Variants in TENM4 observed in about 807,000 individuals in gnomAD.
TENM4 encodes teneurin-4.
In TENM4, 82 loss-of-function variants were observed where a neutral mutation model predicts 243.3. That is an observed-to-expected ratio of 0.34 (90% CI 0.28 to 0.40). The LOEUF is 0.40. TENM4 is among the 10% of genes least tolerant of loss of function. The probability of loss-of-function intolerance (pLI) is 1.00; values close to 1 mark genes in which losing one functional copy is unlikely to be tolerated. For synonymous variants in TENM4, 1,412 were observed against 1,456.3 expected (o/e 0.97, Z 0.69); for missense variants, 3,138 against 3,673.3 (o/e 0.85, Z 3.77).
chr11:79,123,655 G>T (rs542577472), intron 4 of TENM4, among the ~76,000 whole-genome samples: 1 of 148,840 alleles, frequency 6.7e-6, no homozygotes, highest in Non-Finnish European at 1.5e-5. Flanking sequence ...GACAGAGACT[G>T]TGCTAGGCTT....
intron 2 of TENM4, among the ~76,000 whole-genome samples, chr11:79,219,267 T>A (rs1423165157): frequency 6.6e-6 from 1 of 152,030 alleles, no homozygotes; most frequent in Non-Finnish European, 1.5e-5. Flanking sequence ...CAGAGGGAAG[T>A]GGAGGACATC....
At chr11:78,716,341 T>C (rs73496542) in intron 25 of TENM4, among the ~76,000 whole-genome samples, 11,262 of 152,246 alleles carry the variant, frequency 0.074, 1,037 homozygotes, top group African/African-American at 0.22. Context: ...TCTTCCTTCA[T>C]TGTGTCTCCA....
chr11:79,133,278 G>T (rs1862046872), intron 4 of TENM4, among the ~76,000 whole-genome samples: 1 of 152,006 alleles, frequency 6.6e-6, no homozygotes, highest in African/African-American at 2.4e-5. Flanking sequence ...CTGGAAAAAT[G>T]CAACCCTCCC....
At chr11:79,072,705 C>T (rs1860446285) in intron 4 of TENM4, among the ~76,000 whole-genome samples, 1 of 152,132 alleles carries the variant, frequency 6.6e-6, no homozygotes, top group African/African-American at 2.4e-5. Flanking sequence ...TACTGGCTTT[C>T]AACGCAAAGC....
chr11:79,412,506 A>G (rs1195358395), intron 1 of TENM4, among the ~76,000 whole-genome samples: 1 of 152,220 alleles, frequency 6.6e-6, no homozygotes, highest in African/African-American at 2.4e-5. Context: ...TCCCAGCTCC[A>G]ACTTACTACC....
chr11:78,970,623 T>C (rs1478672965), intron 6 of TENM4, among the ~76,000 whole-genome samples: 1 of 152,196 alleles, frequency 6.6e-6, no homozygotes, highest in Non-Finnish European at 1.5e-5. Flanking sequence ...TCCAAGATCG[T>C]GGGCAAAGCA....
At chr11:79,431,016 A>G (rs1859156472) in intron 1 of TENM4, among the ~76,000 whole-genome samples, 1 of 152,234 alleles carries the variant, frequency 6.6e-6, no homozygotes, top group South Asian at 2.1e-4. Flanking sequence ...GAGCACAGGG[A>G]CGCACCGTTG....
rs530457984 is a variant in TENM4 at position 78,942,324 on chromosome 11, G to C, written c.494-38801C>G. Among the ~76,000 whole-genome samples the C allele has an allele frequency of 5.5e-5, 7 of 128,300 alleles. No homozygotes were observed. The South Asian group carries it at 1.8e-3, about 34-fold the overall frequency. The allele number at this position is 128,300 out of a possible 152,430, so 84.2% of individuals were successfully genotyped here. On this transcript the variant is annotated intron_variant, in intron 6 of 33. Coordinates refer to ENST00000278550, the MANE Select transcript of TENM4 (RefSeq NM_001098816.3). ...AAGCTGGGCATGGTGGCATGCGCCTGTAGTTCTAATAATTGGATGGCTGAG... is the reference window on the plus strand; with the variant it reads ...AAGCTGGGCATGGTGGCATGCGCCTCTAGTTCTAATAATTGGATGGCTGAG...
At chr11:78,920,075 C>T (rs1048550238) in intron 6 of TENM4, among the ~76,000 whole-genome samples, 3 of 152,152 alleles carry the variant, frequency 2.0e-5, no homozygotes, top group South Asian at 2.1e-4. Flanking sequence ...GCACTGAGTC[C>T]AGTGCTTGTC....
intron 6 of TENM4, among the ~76,000 whole-genome samples, chr11:78,937,175 G>T (rs987569795): frequency 1.3e-5 from 2 of 152,148 alleles, no homozygotes; most frequent in African/African-American, 2.4e-5. Flanking sequence ...GGTTCAGAAA[G>T]CTGGGGAAGG....
At chr11:79,066,382 C>T (rs898282954) in intron 5 of TENM4, among the ~76,000 whole-genome samples, 5 of 152,092 alleles carry the variant, frequency 3.3e-5, no homozygotes, top group Non-Finnish European at 7.4e-5. Flanking sequence ...AAAGAACTGC[C>T]GGAGGGGTAG....
intron 6 of TENM4, among the ~76,000 whole-genome samples, chr11:79,033,410 T>C (rs1591226432): frequency 6.6e-6 from 1 of 152,336 alleles, no homozygotes; most frequent in South Asian, 2.1e-4. Flanking sequence ...GGAAGGATAC[T>C]AATATTTCCT....
intron 1 of TENM4, among the ~76,000 whole-genome samples, chr11:79,399,537 A>G (rs1412708969): frequency 1.3e-5 from 2 of 152,162 alleles, no homozygotes; most frequent in East Asian, 3.9e-4. Context: ...CTTGGAGGCG[A>G]TCTTGTCCAA....
intron 6 of TENM4, among the ~76,000 whole-genome samples, chr11:78,974,478 G>A (rs1160945558): frequency 6.6e-6 from 1 of 152,168 alleles, no homozygotes; most frequent in Non-Finnish European, 1.5e-5. Context: ...CAGGCAGCAA[G>A]TAAGATCTGG....
intron 2 of TENM4, among the ~76,000 whole-genome samples, chr11:79,254,492 C>G (rs1855667728): frequency 6.6e-6 from 1 of 152,090 alleles, no homozygotes; most frequent in Non-Finnish European, 1.5e-5. Flanking sequence ...CTGTGGCCAC[C>G]CTTGGAGAGA....
chr11:78,721,113 C>T (rs763160371), intron 24 of TENM4, among the ~76,000 whole-genome samples: 40 of 152,122 alleles, frequency 2.6e-4, no homozygotes, highest in African/African-American at 9.2e-4. Flanking sequence ...GCTTCTCTGC[C>T]GAGGCGAGCT....
At chr11:79,364,721 C>A (rs1857646985) in intron 1 of TENM4, among the ~76,000 whole-genome samples, 1 of 152,164 alleles carries the variant, frequency 6.6e-6, no homozygotes, top group Non-Finnish European at 1.5e-5. Context: ...CACTGAGGCC[C>A]CAAGTTACAC....
At chr11:79,108,509 A>G (rs183578186) in intron 4 of TENM4, among the ~76,000 whole-genome samples, 1,670 of 151,792 alleles carry the variant, frequency 0.011, 30 homozygotes, top group African/African-American at 0.038. Flanking sequence ...GTGTGTGTGT[A>G]TATATATATA....
At chr11:79,151,610 G>T (rs1021546219) in intron 3 of TENM4, among the ~76,000 whole-genome samples, 2 of 152,056 alleles carry the variant, frequency 1.3e-5, no homozygotes, top group Admixed American at 6.6e-5. Flanking sequence ...TACTAAACTA[G>T]ATCTGTCCAA....
Sources: allele counts gnomAD v4.1 joint callset (sites outside exome capture counted in the v4.1 genomes callset), GRCh38; gene constraint gnomAD v4.1.1; transcripts MANE v1.5; gene names NCBI Gene and HGNC (gene_info 2026-07-23, HGNC 2026-07-21).